The following NAV2 variants were observed in gnomAD, a reference collection of about 807,000 sequenced individuals.
NAV2 encodes helicase, APC down-regulated 1.
In NAV2, 54 loss-of-function variants were observed where a neutral mutation model predicts 223.2. The ratio of observed to expected loss-of-function variants is 0.24; its 90% confidence interval spans 0.19 to 0.30. The LOEUF is 0.30. NAV2 is among the 10% of genes least tolerant of loss of function. The pLI is 1.00. For synonymous variants in NAV2, 1,279 were observed against 1,239.3 expected (o/e 1.03, Z -0.67); for missense variants, 2,806 against 3,147.5 (o/e 0.89, Z 2.60).
At chr11:19,844,303 T>G (rs2060665826) in intron 3 of NAV2, among the ~76,000 whole-genome samples, 1 of 152,250 alleles carries the variant, frequency 6.6e-6, no homozygotes, top group Non-Finnish European at 1.5e-5. Flanking sequence ...GGATAGATAC[T>G]GATGCAATTG....
intron 1 of NAV2, among the ~76,000 whole-genome samples, chr11:19,668,173 T>G (rs549333281): frequency 3.9e-5 from 6 of 152,248 alleles, no homozygotes; most frequent in Non-Finnish European, 8.8e-5. Context: ...AAAGAGAACA[T>G]TTTTTTGGTC....
At chr11:19,349,096 T>C (rs771432095), upstream of NAV2, among the ~76,000 whole-genome samples, 5 of 152,182 alleles carry the variant, frequency 3.3e-5, no homozygotes, top group African/African-American at 4.8e-5. Flanking sequence ...GCTTCAGTCA[T>C]TCTGTCTATA....
intron 1 of NAV2, among the ~76,000 whole-genome samples, chr11:19,466,879 A>G (rs1852368448): frequency 6.6e-6 from 1 of 152,208 alleles, no homozygotes; most frequent in Non-Finnish European, 1.5e-5. Flanking sequence ...GAGTCTTGCT[A>G]CAAAAATGGG....
chr11:20,049,069 A>G lies in NAV2; in HGVS notation c.4244A>G (p.Asp1415Gly). 2 of 1,613,990 alleles carry G rather than the reference A, an allele frequency of 1.2e-6. No individual in the cohort carries two copies. The highest frequency in any genetic ancestry group is 1.7e-6 in the Non-Finnish European group (2 of 1,179,992). ...SSLHTSCESI[D>G]ISLSSGGVPS... ...CTCCACACCAGCTGTGAGTCCATCG[A>G]CATCTCCCTCAGCAGTGGAGGGGTC... is the stretch of plus-strand genomic sequence containing the variant. The change falls in exon 15 of 38, where the codon GAC (aspartate) becomes GGC (glycine). Residue 1415 changes from aspartate to glycine, a missense_variant. This residue lies in a region of NAV2 where 742 missense variants were observed against 777.9 expected (regional missense o/e 0.95). Transcript: ENST00000349880.
chr11:19,816,476 C>T (rs2059096272), intron 1 of NAV2, among the ~76,000 whole-genome samples: 2 of 152,252 alleles, frequency 1.3e-5, no homozygotes, highest in South Asian at 4.1e-4. Flanking sequence ...TCCGTTACCC[C>T]TCCCTGAGTA....
chr11:19,942,797 A>T (rs770838327), intron 8 of NAV2, among the ~76,000 whole-genome samples: 8 of 152,174 alleles, frequency 5.3e-5, no homozygotes, highest in Non-Finnish European at 1.0e-4. Flanking sequence ...TAGCCTGGGC[A>T]ACACATAGAA....
intron 6 of NAV2, among the ~76,000 whole-genome samples, chr11:19,910,844 C>A (rs185209621): frequency 1.1e-4 from 16 of 152,050 alleles, no homozygotes; most frequent in Admixed American, 7.2e-4. Flanking sequence ...GGTGACAGAG[C>A]GAGACTCTGT....
rs773508768 is a variant in NAV2, at chr11:20,055,947, G to C, written c.4821G>C (p.Gly1607=). 37 of 1,613,492 alleles carry C rather than the reference G, an allele frequency of 2.3e-5. No homozygotes were observed. The highest frequency in any genetic ancestry group is 3.1e-5 in the Non-Finnish European group (36 of 1,179,968). The change falls in exon 19 of 38, where the codon GGG becomes GGC. Residue 1607 remains glycine, a synonymous_variant. Coordinates refer to ENST00000349880, the MANE Select transcript of NAV2 (RefSeq NM_145117.5). ...GCCGTTCAGGCTCATTCCGGGATGG[G>C]TTTGAAGAAGGTAAGGAAGGAAAGG... ...TMSRSGSFRD[G]FEEVHGSSLS...
chr11:19,533,287 G>A (rs1260207405), intron 1 of NAV2, among the ~76,000 whole-genome samples: 1 of 152,022 alleles, frequency 6.6e-6, no homozygotes, highest in Non-Finnish European at 1.5e-5. Context: ...CTATTTAGCA[G>A]CATCCTCGGC....
intron 11 of NAV2, among the ~76,000 whole-genome samples, chr11:20,018,363 A>G (rs1057382136): frequency 6.6e-6 from 1 of 151,528 alleles, no homozygotes; most frequent in African/African-American, 2.4e-5. Flanking sequence ...CAAAAAAAAA[A>G]AAAAAAAAAA....
At chr11:19,419,019 G>A (rs1254996128) in intron 1 of NAV2, among the ~76,000 whole-genome samples, 1 of 152,052 alleles carries the variant, frequency 6.6e-6, no homozygotes, top group East Asian at 1.9e-4. Flanking sequence ...CAGTAATAGG[G>A]ACTCAAGGAG....
chr11:19,641,561 T>C (rs1565129331), intron 1 of NAV2, among the ~76,000 whole-genome samples: 1 of 151,998 alleles, frequency 6.6e-6, no homozygotes, highest in Non-Finnish European at 1.5e-5. Context: ...TGAGTCTGAC[T>C]GTACAATCTC....
intron 31 of NAV2, among the ~76,000 whole-genome samples, chr11:20,099,667 T>C (rs2061497066): frequency 6.6e-6 from 1 of 152,202 alleles, no homozygotes; most frequent in Admixed American, 6.5e-5. Flanking sequence ...AAGAGTTGCC[T>C]GAGCTGCAGT....
intron 1 of NAV2, among the ~76,000 whole-genome samples, chr11:19,463,869 G>A (rs7106624): frequency 0.57 from 86,992 of 151,432 alleles, 26,616 homozygotes; most frequent in Non-Finnish European, 0.7. Context: ...GGGCTGGGCT[G>A]GGGGTCCTTC....
chr11:19,422,669 C>T (rs79267594), intron 1 of NAV2, among the ~76,000 whole-genome samples: 6,383 of 152,260 alleles, frequency 0.042, 425 homozygotes, highest in African/African-American at 0.15. Flanking sequence ...TTCTGCATGG[C>T]AACAATTACA....
chr11:19,396,107 A>T (rs1415845453), intron 1 of NAV2, among the ~76,000 whole-genome samples: 1 of 152,234 alleles, frequency 6.6e-6, no homozygotes, highest in Non-Finnish European at 1.5e-5. Flanking sequence ...GCATGTCCCA[A>T]TAAATCCCTA....
At chr11:20,040,062 G>A (rs1282116641) in intron 12 of NAV2, among the ~76,000 whole-genome samples, 13 of 152,332 alleles carry the variant, frequency 8.5e-5, no homozygotes, top group African/African-American at 2.4e-4. Context: ...GATAAGATGA[G>A]TTCAGGATGT....
At chr11:19,441,826 C>T (rs1851414145) in intron 1 of NAV2, among the ~76,000 whole-genome samples, 1 of 152,202 alleles carries the variant, frequency 6.6e-6, no homozygotes, top group African/African-American at 2.4e-5. Context: ...ATCCACCCTT[C>T]TGTCAGCCGC....
intron 1 of NAV2, among the ~76,000 whole-genome samples, chr11:19,501,225 A>G (rs1056772350): frequency 6.6e-6 from 1 of 152,126 alleles, no homozygotes; most frequent in African/African-American, 2.4e-5. Context: ...ATAATACACA[A>G]TATTCTCCCC....
Sources: gnomAD v4.1 joint callset for allele counts (sites outside exome capture counted in the v4.1 genomes callset) on GRCh38, gnomAD v4.1.1 for gene constraint, gnomAD v4.1.1 regional missense constraint, MANE v1.5 for transcripts, NCBI Gene and HGNC (gene_info 2026-07-23, HGNC 2026-07-21) for gene names.